Variants in RRM2 observed in about 807,000 individuals in gnomAD.
RRM2 encodes the protein ribonucleotide reductase regulatory subunit M2.
In RRM2, 6 loss-of-function variants were observed where a neutral mutation model predicts 45.9. The ratio of observed to expected loss-of-function variants is 0.13; its 90% CI spans 0.07 to 0.26. The LOEUF (loss-of-function observed/expected upper bound fraction) is 0.26, where lower values mean the gene tolerates loss of function less well. RRM2 is among the 10% of genes least tolerant of loss of function. The pLI, the probability that RRM2 is intolerant of heterozygous loss-of-function variation, is 1.00. For synonymous variants in RRM2, 177 were observed against 173.0 expected, an observed-to-expected ratio of 1.02 and a Z score of -0.18; for missense variants, 343 against 489.5, an observed-to-expected ratio of 0.70 and a Z score of 2.82.
At chr2:10,133,432 C>A (rs533050793), downstream of RRM2, among the ~76,000 whole-genome samples, 1 of 152,350 alleles carries the variant, frequency 6.6e-6, no homozygotes, top group African/African-American at 2.4e-5. Flanking sequence ...TGTTCTGTCA[C>A]CTGGCCAGGG....
chr2:10,160,950 G>C (rs901553057), intron 3 of RRM2, among the ~76,000 whole-genome samples: 8 of 152,184 alleles, frequency 5.3e-5, no homozygotes, highest in African/African-American at 1.9e-4. Flanking sequence ...CTGCCTCTCT[G>C]TGGAATTGTT....
chr2:10,135,099 A>C (rs1435338375), downstream of RRM2, among the ~76,000 whole-genome samples: 1 of 152,264 alleles, frequency 6.6e-6, no homozygotes, highest in African/African-American at 2.4e-5. Context: ...ATACATTTTC[A>C]TGCCAAGGTT....
chr2:10,172,155 G>T lies in RRM2; in HGVS notation n.482+29780G>T, dbSNP rs1663818806. 6.6e-6 allele frequency among the ~76,000 whole-genome samples: 1 copy of T among 152,222 alleles called. No homozygotes were observed. Among genetic ancestry groups the T allele is most frequent in the South Asian group, 2.1e-4 (1 of 4,830 alleles). On this transcript the variant is annotated intron_variant and non_coding_transcript_variant, in intron 3 of 3. Coordinates refer to the RRM2 transcript ENST00000381786. This position sits in a 1 kb window ranked among gnomAD's most constrained non-coding sequence, Gnocchi z 4.9. ...GCCAGACAGACCTGGGCTGAGTCCT[G>T]CCCTACATACTAACTAGCCTGCTGT...
intron 3 of RRM2, among the ~76,000 whole-genome samples, chr2:10,176,634 T>A (rs1224072437): frequency 7.2e-6 from 1 of 138,836 alleles, no homozygotes; most frequent in African/African-American, 2.5e-5. Flanking sequence ...TTGTATCTGG[T>A]TTCTTTTGCT....
At chr2:10,128,697 T>C (rs1662835619) in intron 7 of RRM2, 151 bp from the exon 8 acceptor site, 1 of 643,942 alleles carries the variant, frequency 1.6e-6, no homozygotes, top group East Asian at 2.7e-5. Context: ...AAGTCAGTAG[T>C]TGAAGTCATC....
At chr2:10,140,744 C>A (rs529031049), upstream of RRM2, among the ~76,000 whole-genome samples, 1 of 152,142 alleles carries the variant, frequency 6.6e-6, no homozygotes, top group South Asian at 2.1e-4. Context: ...AGGTGTCCCA[C>A]GTGGAGAAAT....
intron 5 of RRM2, chr2:10,126,642 A>G (rs1225520832): frequency 3.7e-6 from 2 of 545,438 alleles, no homozygotes; most frequent in East Asian, 6.0e-5. Flanking sequence ...AATATGAACT[A>G]CAGAATACCC....
chr2:10,135,484 G>T (rs571260741), downstream of RRM2, among the ~76,000 whole-genome samples: 1 of 152,212 alleles, frequency 6.6e-6, no homozygotes, highest in East Asian at 1.9e-4. Context: ...GGGCCCTGGT[G>T]GGGGAGGGGA....
At chr2:10,176,361 C>T (rs527484047) in intron 3 of RRM2, among the ~76,000 whole-genome samples, 63 of 152,030 alleles carry the variant, frequency 4.1e-4, no homozygotes, top group Non-Finnish European at 7.5e-4. Context: ...CTCCGCCTCC[C>T]GGGTTCAAGT....
rs1158711829 is a variant in RRM2, at chr2:10,195,364, C to T, written n.483-14947C>T. On this transcript the variant is annotated intron_variant and non_coding_transcript_variant, in intron 3 of 3. Coordinates refer to the RRM2 transcript ENST00000381786. This position sits in a 1 kb window ranked among gnomAD's most constrained non-coding sequence, Gnocchi z 4.9. ...GGCTGGACTTGGAAGGAAGGAAGAG[C>T]GGACACAGGGCCTCTGAGCGGACAG... is the stretch of plus-strand genomic sequence containing the variant. Among the ~76,000 whole-genome samples, 3 of 152,060 alleles carry T rather than the reference C, an allele frequency of 2.0e-5. No individual in the cohort carries two copies. Among genetic ancestry groups the T allele is most frequent in the Admixed American group, 6.5e-5 (1 of 15,272 alleles).
At chr2:10,181,749 T>TCC (rs1664051215) in intron 3 of RRM2, among the ~76,000 whole-genome samples, 1 of 102,322 alleles carries the variant, frequency 9.8e-6, no homozygotes. Flanking sequence ...TCTCTCTCTC[T>TCC]CTCTCTTTTT....
At chr2:10,123,298 T>A in intron 2 of RRM2, 89 bp from the exon 3 acceptor site, 1 of 1,472,186 alleles carries the variant, frequency 6.8e-7, no homozygotes, top group East Asian at 2.3e-5. Flanking sequence ...CCCGTGAAAT[T>A]GCCGCCAATG....
upstream of RRM2, chr2:10,122,698 G>A: frequency 6.4e-7 from 1 of 1,550,924 alleles, no homozygotes; most frequent in Non-Finnish European, 8.7e-7. Context: ...GGGAGCGCGC[G>A]GCGCGGGAGA....
At position 10,184,091 on chromosome 2, in the gene RRM2, T is replaced by TAAAAAAAAAA. The variant is rs60421650; in HGVS notation, n.483-26200_483-26191dup. Among the ~76,000 whole-genome samples the TAAAAAAAAAA allele has an allele frequency of 2.9e-4, 9 of 30,684 alleles. 1 individual carries two copies. Among genetic ancestry groups the TAAAAAAAAAA allele is most frequent in the Admixed American group, 1.7e-3 (4 of 2,296 alleles). 20.1% of individuals were successfully genotyped at this position (30,684 alleles called of 152,430 possible). ...CTGGGTGACAGAGCGAGACTCCATC[T>TAAAAAAAAAA]AAAAAAAAAAAAAAAAAAAAAAAAA... is the stretch of plus-strand genomic sequence containing the variant. On this transcript the variant is annotated intron_variant and non_coding_transcript_variant, in intron 3 of 3. Coordinates refer to the RRM2 transcript ENST00000381786.
chr2:10,206,492 T>C (rs145568772), intron 3 of RRM2, among the ~76,000 whole-genome samples: 203 of 151,934 alleles, frequency 1.3e-3, no homozygotes, highest in African/African-American at 4.8e-3. Context: ...GAACAAGAGG[T>C]AGAATGCAGT....
upstream of RRM2, among the ~76,000 whole-genome samples, chr2:10,140,718 A>C (rs1004883266): frequency 6.6e-6 from 1 of 152,252 alleles, no homozygotes; most frequent in Non-Finnish European, 1.5e-5. Flanking sequence ...AAATGTGTAC[A>C]TATGGATAGA....
intron 3 of RRM2, among the ~76,000 whole-genome samples, chr2:10,170,828 T>G (rs1663786963): frequency 6.6e-6 from 1 of 152,174 alleles, no homozygotes; most frequent in South Asian, 2.1e-4. Context: ...CACAGCCCTT[T>G]GAGAGCACAG....
At chr2:10,163,681 GCCT>G (rs1358729289) in intron 3 of RRM2, among the ~76,000 whole-genome samples, 3 of 152,260 alleles carry the variant, frequency 2.0e-5, no homozygotes, top group African/African-American at 7.2e-5. Context: ...CCAGGCGCGA[GCCT>G]CGGTTCCCCG....
chr2:10,153,042 G>A (rs1663349333), intron 3 of RRM2, among the ~76,000 whole-genome samples: 1 of 151,968 alleles, frequency 6.6e-6, no homozygotes, highest in African/African-American at 2.4e-5. Context: ...TGAATGAAGG[G>A]ATCAAAGGGC....
Sources: gnomAD v4.1 joint callset for allele counts (sites outside exome capture counted in the v4.1 genomes callset) on GRCh38, gnomAD v4.1.1 for gene constraint, Gnocchi (gnomAD v3.1) non-coding constraint, MANE v1.5 for transcripts, NCBI Gene and HGNC (gene_info 2026-07-23, HGNC 2026-07-21) for gene names.